ATP8A1: variants seen among roughly 807,000 people sequenced by gnomAD.
ATP8A1 encodes ATPase phospholipid transporting 8A1.
ATP8A1 carries 90 observed loss-of-function variants against 177.7 expected under a neutral mutation model. That is an observed-to-expected ratio of 0.51 (90% CI 0.43 to 0.60). The LOEUF (loss-of-function observed/expected upper bound fraction) is 0.60. Ranked by LOEUF, ATP8A1 falls within the 20% of genes least tolerant of loss-of-function variation. ATP8A1 has a pLI of 0.00. For synonymous variants in ATP8A1, 493 were observed against 485.9 expected (o/e 1.01, Z -0.19); for missense variants, 1,072 against 1,392.8 (o/e 0.77, Z 3.67).
rs61755862 is a variant in ATP8A1, at chr4:42,574,629, C to T, written c.1285G>A (p.Val429Ile). The stretch of plus-strand genomic sequence containing the variant: ...AAGGAAAAAACTCACCCATAAGCAA[C>T]TCCCGCTATGGTGCACTTCTTAAAC... ...MQFKKCTIAG[V>I]AYGHVPEPED... The change falls in exon 14 of 37, where the codon GTT becomes ATT. Residue 429 changes from valine to isoleucine, a missense_variant. Around this residue, in one of 5 missense-constraint regions of ATP8A1, gnomAD observed 388 missense variants for 471.7 expected, o/e 0.82. Coordinates refer to ENST00000381668, the MANE Select transcript of ATP8A1 (RefSeq NM_006095.2). 5,802 of 1,608,416 alleles carry T rather than the reference C, an allele frequency of 3.6e-3. 164 individuals are homozygous for T. The African/African-American group carries it at 0.067, about 19-fold the overall frequency.
At chr4:42,556,067 C>A (rs370955584) in intron 15 of ATP8A1, 27 bp from the exon 16 acceptor site, 28 of 1,550,894 alleles carry the variant, frequency 1.8e-5, no homozygotes, top group Non-Finnish European at 1.5e-5. Flanking sequence ...ATAGAGTAAA[C>A]CCAGTTCATT....
At chr4:42,590,348 C>T (rs541723019) in intron 7 of ATP8A1, among the ~76,000 whole-genome samples, 1 of 152,122 alleles carries the variant, frequency 6.6e-6, no homozygotes, top group East Asian at 1.9e-4. Flanking sequence ...GTCACAATCG[C>T]TGGAAGGATT....
intron 25 of ATP8A1, among the ~76,000 whole-genome samples, chr4:42,467,540 A>G (rs1719917051): frequency 6.6e-6 from 1 of 152,138 alleles, no homozygotes; most frequent in African/African-American, 2.4e-5. Context: ...AAAAATACAA[A>G]AAATTAGCTA....
Position 42,409,815 on chromosome 4 carries a change from G to A in ATP8A1, c.*3101C>T, listed in dbSNP as rs1277067600. On this transcript the variant is annotated 3_prime_UTR_variant, in exon 37 of 37. Coordinates refer to ENST00000381668, the MANE Select transcript of ATP8A1 (RefSeq NM_006095.2). Reference sequence around the variant, plus strand: ...AAATTATCATGTGACTTTCACATTGGATATTTAGAATGCTGAACGGCAAAA... The same window carrying A: ...AAATTATCATGTGACTTTCACATTGAATATTTAGAATGCTGAACGGCAAAA... 1 of 152,096 alleles carries A rather than the reference G, an allele frequency of 6.6e-6. No homozygotes were observed. The highest frequency in any genetic ancestry group is 1.5e-5 in the Non-Finnish European group (1 of 67,996). 9.4% of individuals were successfully genotyped at this position (152,096 alleles called of 1,614,324 possible).
At chr4:42,431,400 C>T (rs572317229) in intron 33 of ATP8A1, among the ~76,000 whole-genome samples, 1 of 152,270 alleles carries the variant, frequency 6.6e-6, no homozygotes, top group East Asian at 1.9e-4. Context: ...AATGATCCTT[C>T]TATTCAGAGA....
intron 15 of ATP8A1, among the ~76,000 whole-genome samples, chr4:42,559,304 A>C (rs1403981544): frequency 2.0e-5 from 3 of 152,244 alleles, no homozygotes; most frequent in Admixed American, 1.3e-4. Flanking sequence ...GAATTACCAG[A>C]AATCAATTTA....
intron 18 of ATP8A1, 133 bp from the exon 19 acceptor site, chr4:42,549,195 G>A (rs1729234774): frequency 3.0e-6 from 2 of 670,104 alleles, no homozygotes; most frequent in South Asian, 4.2e-5. Context: ...AATATGGAAG[G>A]GAGCTTACTA....
intron 35 of ATP8A1, among the ~76,000 whole-genome samples, chr4:42,422,137 G>T (rs13118399): frequency 0.38 from 56,900 of 151,538 alleles, 10,920 homozygotes; most frequent in African/African-American, 0.45. Flanking sequence ...TGTTGCCCAG[G>T]CTGGAGTGCA....
intron 25 of ATP8A1, among the ~76,000 whole-genome samples, chr4:42,466,871 T>C (rs35522135): frequency 0.36 from 55,180 of 152,216 alleles, 10,229 homozygotes; most frequent in East Asian, 0.58. Flanking sequence ...ACCTGGACTA[T>C]AGTTGACATT....
chr4:42,449,524 T>C (rs377265077), intron 30 of ATP8A1, among the ~76,000 whole-genome samples: 4 of 152,176 alleles, frequency 2.6e-5, no homozygotes, highest in South Asian at 2.1e-4. Flanking sequence ...TTACACAGCA[T>C]GTGTAAAGTT....
At chr4:42,629,479 G>C (rs139430318) in intron 1 of ATP8A1, among the ~76,000 whole-genome samples, 12 of 152,160 alleles carry the variant, frequency 7.9e-5, no homozygotes, top group African/African-American at 2.9e-4. Flanking sequence ...AGGGAGATCT[G>C]CACTGAAAGC....
At chr4:42,612,130 A>G (rs886481404) in intron 5 of ATP8A1, among the ~76,000 whole-genome samples, 4 of 152,132 alleles carry the variant, frequency 2.6e-5, no homozygotes, top group African/African-American at 9.7e-5. Context: ...CTTCTGCCAT[A>G]TTTGGATTTT....
intron 1 of ATP8A1, among the ~76,000 whole-genome samples, chr4:42,639,043 A>G (rs773485791): frequency 6.6e-6 from 1 of 152,166 alleles, no homozygotes; most frequent in Non-Finnish European, 1.5e-5. Context: ...AGGAGGGCAC[A>G]TTTCAATTTA....
intron 33 of ATP8A1, among the ~76,000 whole-genome samples, chr4:42,434,186 A>AT (rs1263911761): frequency 3.9e-5 from 6 of 152,104 alleles, no homozygotes; most frequent in South Asian, 2.1e-4. Flanking sequence ...AGTAAAAAAA[A>AT]TTTTTTTCAT....
At chr4:42,652,697 T>C (rs1203110138) in intron 1 of ATP8A1, among the ~76,000 whole-genome samples, 2 of 152,164 alleles carry the variant, frequency 1.3e-5, no homozygotes, top group African/African-American at 4.8e-5. Flanking sequence ...TCCCGTGCTG[T>C]TCTCATGACA....
chr4:42,630,641 T>C (rs1738636042), intron 1 of ATP8A1, among the ~76,000 whole-genome samples: 1 of 152,222 alleles, frequency 6.6e-6, no homozygotes, highest in Admixed American at 6.5e-5. Context: ...AAAGAGGACA[T>C]ACAATACTCA....
intron 4 of ATP8A1, among the ~76,000 whole-genome samples, chr4:42,623,739 A>T (rs1163152668): frequency 6.6e-6 from 1 of 152,128 alleles, no homozygotes; most frequent in Non-Finnish European, 1.5e-5. Flanking sequence ...AAAAATAACT[A>T]AAAGTAACTA....
intron 20 of ATP8A1, among the ~76,000 whole-genome samples, chr4:42,528,124 A>G (rs1407653318): frequency 1.3e-5 from 2 of 152,182 alleles, no homozygotes; most frequent in African/African-American, 4.8e-5. Context: ...GTTTTAGCTC[A>G]GGTCTGACTT....
At chr4:42,569,372 A>C (rs1018902699) in intron 14 of ATP8A1, among the ~76,000 whole-genome samples, 167 bp from the exon 15 acceptor site, 3 of 152,236 alleles carry the variant, frequency 2.0e-5, no homozygotes, top group Non-Finnish European at 4.4e-5. Context: ...AGCAAATAGA[A>C]CATAATGATT....
Sources: allele counts gnomAD v4.1 joint callset (sites outside exome capture counted in the v4.1 genomes callset), GRCh38; gene constraint gnomAD v4.1.1; regional missense constraint gnomAD v4.1.1; transcripts MANE v1.5; gene names NCBI Gene and HGNC (gene_info 2026-07-23, HGNC 2026-07-21).